The following GOLGA3 variants were observed in gnomAD, a reference collection of about 807,000 sequenced individuals.
The protein encoded by GOLGA3 is golgin subfamily A member 3.
A neutral mutation model predicts 169.4 loss-of-function variants in GOLGA3; 75 were observed. The ratio of observed to expected loss-of-function variants is 0.44; its 90% CI spans 0.37 to 0.54. GOLGA3 has a LOEUF of 0.54. GOLGA3 is among the 20% of genes least tolerant of loss of function. The probability of loss-of-function intolerance (pLI) is 0.00; values close to 1 mark genes in which losing one functional copy is unlikely to be tolerated. For synonymous variants in GOLGA3, 824 were observed against 822.4 expected (o/e 1.00, Z -0.03); for missense variants, 1,899 against 1,930.0 (o/e 0.98, Z 0.30).
At chr12:132,801,746 G>A (rs1397403760) in intron 8 of GOLGA3, 21 bp downstream of exon 8, 2 of 1,603,066 alleles carry the variant, frequency 1.2e-6, no homozygotes, top group South Asian at 2.2e-5. Context: ...ACCTGCCCTG[G>A]AAGGTAGATG....
intron 22 of GOLGA3, 179 bp from the exon 23 acceptor site, chr12:132,774,499 G>A: frequency 1.6e-6 from 1 of 642,008 alleles, no homozygotes; most frequent in Non-Finnish European, 2.7e-6. Flanking sequence ...AGAATAGCTG[G>A]CTGAGGAAAC....
chr12:132,782,188 G>A (rs1246244409), intron 17 of GOLGA3, 108 bp downstream of exon 17: 4 of 1,031,312 alleles, frequency 3.9e-6, no homozygotes, highest in Non-Finnish European at 6.1e-6. Context: ...CAGGCCGGGT[G>A]GGCTAGGAGT....
intron 7 of GOLGA3, among the ~76,000 whole-genome samples, chr12:132,802,985 G>A (rs1042369574): frequency 1.3e-5 from 2 of 152,174 alleles, no homozygotes; most frequent in Non-Finnish European, 2.9e-5. Flanking sequence ...AACCTGGGAG[G>A]CAGAGGTTGC....
chr12:132,802,156 G>A (rs1380713129), intron 7 of GOLGA3, among the ~76,000 whole-genome samples, 187 bp from the exon 8 acceptor site: 3 of 152,266 alleles, frequency 2.0e-5, no homozygotes, highest in Non-Finnish European at 2.9e-5. Context: ...GAGAGATGCC[G>A]CTCCTGGCAG....
At chr12:132,788,921 A>AGACACAGG (rs1555254351) in intron 13 of GOLGA3, 106 bp downstream of exon 13, 22 of 220,330 alleles carry the variant, frequency 1.0e-4, no homozygotes, top group South Asian at 1.5e-4. Flanking sequence ...ACCCAGACAG[A>AGACACAGG]CCCCGCCCCA....
intron 22 of GOLGA3, chr12:132,774,549 A>G (rs2045110975): frequency 3.4e-6 from 2 of 587,334 alleles, no homozygotes; most frequent in Middle Eastern, 4.5e-4. Context: ...CAAAGCAGAG[A>G]CAACCTAAGT....
chr12:132,799,092 G>A (rs955021788), intron 8 of GOLGA3, among the ~76,000 whole-genome samples: 2 of 152,214 alleles, frequency 1.3e-5, no homozygotes, highest in South Asian at 2.1e-4. Context: ...TGCCCGCATC[G>A]CCTCTAGCTC....
Position 132,813,298 on chromosome 12 carries a change from G to A in GOLGA3, c.519+9C>T, listed in dbSNP as rs1949806019. The A allele has an allele frequency of 6.4e-7, 1 of 1,569,822 alleles. No individual in the cohort carries two copies. The highest frequency in any genetic ancestry group is 8.8e-7 in the Non-Finnish European group (1 of 1,140,270). The stretch of plus-strand genomic sequence containing the variant: ...TTTCCATGAGCTTGTTCGGGAGAGG[G>A]AGACTCACCCTCTCCTGCTGGCGCT... On this transcript the variant is annotated intron_variant, in intron 4 of 23. Coordinates refer to ENST00000450791, the MANE Select transcript of GOLGA3 (RefSeq NM_001389683.1).
At chr12:132,781,263 T>TC (rs2045591310) in intron 17 of GOLGA3, among the ~76,000 whole-genome samples, 2 of 151,324 alleles carry the variant, frequency 1.3e-5, no homozygotes, top group Non-Finnish European at 2.9e-5. Context: ...AGACCCTGTC[T>TC]CAAAAAAAAA....
In GOLGA3 at chr12:132,789,007, T is replaced by C; in HGVS notation, c.2811+20A>G. ...GGCCGAATCCTCCCCATCAAATGAG[T>C]CAACCCGACACGGACAGACCTGCAA... On this transcript the variant is annotated intron_variant, in intron 13 of 23. Transcript: ENST00000450791. 1 of 1,386,244 alleles carries C rather than the reference T, an allele frequency of 7.2e-7. No homozygotes were observed. Among genetic ancestry groups the C allele is most frequent in the East Asian group, 2.8e-5 (1 of 35,156 alleles). 85.9% of individuals were successfully genotyped at this position (1,386,244 alleles called of 1,614,324 possible).
intron 11 of GOLGA3, among the ~76,000 whole-genome samples, chr12:132,794,060 C>T (rs368135811): frequency 2.6e-5 from 4 of 152,298 alleles, no homozygotes; most frequent in South Asian, 2.1e-4. Flanking sequence ...TTGTTCCACA[C>T]GCATCATTCA....
intron 5 of GOLGA3, 79 bp from the exon 6 acceptor site, chr12:132,807,367 ACAC>A: frequency 1.4e-6 from 1 of 729,248 alleles, no homozygotes; most frequent in Non-Finnish European, 2.2e-6. Context: ...TCCAAATTCC[ACAC>A]ACCCCTGCTG....
chr12:132,806,775 A>C (rs1008571267), intron 6 of GOLGA3, among the ~76,000 whole-genome samples: 3 of 152,250 alleles, frequency 2.0e-5, no homozygotes, highest in Non-Finnish European at 2.9e-5. Flanking sequence ...TGTTTCTGGC[A>C]CATGCTAACC....
chr12:132,779,531 G>A (rs1209909609), intron 18 of GOLGA3, among the ~76,000 whole-genome samples: 1 of 152,238 alleles, frequency 6.6e-6, no homozygotes, highest in Non-Finnish European at 1.5e-5. Flanking sequence ...AGGAACGAAA[G>A]CAGCTTCACT....
chr12:132,804,108 A>G lies in GOLGA3; in HGVS notation c.1597+608T>C, dbSNP rs1949264036. ...AAGCCCGCCGCGGCTTCCGCAATCC[A>G]CTGCCCTACTTGTACTCTCTGGGCG... On this transcript the variant is annotated intron_variant, in intron 7 of 23. Transcript: ENST00000450791. This position sits in a 1 kb window ranked among gnomAD's most constrained non-coding sequence, Gnocchi z 4.1. Among the ~76,000 whole-genome samples, 1 of 151,978 alleles carries G rather than the reference A, an allele frequency of 6.6e-6. No homozygotes were observed. The highest frequency in any genetic ancestry group is 6.6e-5 in the Admixed American group (1 of 15,242).
intron 1 of GOLGA3, among the ~76,000 whole-genome samples, chr12:132,826,705 A>G (rs1336399954): frequency 6.6e-6 from 1 of 152,124 alleles, no homozygotes; most frequent in Non-Finnish European, 1.5e-5. Flanking sequence ...GTTTGGTGAC[A>G]GTGATACTTC....
At position 132,772,229 on chromosome 12, in the gene GOLGA3, C is replaced by G. The variant is rs1451817645; in HGVS notation, c.*876G>C. On this transcript the variant is annotated 3_prime_UTR_variant, in exon 24 of 24. Transcript: ENST00000450791. ...TAATAAGTAGGTTCTTCTTCAATAA[C>G]ATGAGCATATGCTTCTTAAAGACTG... The G allele has an allele frequency of 1.3e-5, 2 of 152,200 alleles. No homozygotes were observed. Among genetic ancestry groups the G allele is most frequent in the African/African-American group, 4.8e-5 (2 of 41,444 alleles). 9.4% of individuals were successfully genotyped at this position (152,200 alleles called of 1,614,324 possible).
Position 132,796,163 on chromosome 12 carries a change from G to A in GOLGA3, c.2158C>T (p.Leu720=), listed in dbSNP as rs746540941. 2 of 1,607,152 alleles carry A rather than the reference G, an allele frequency of 1.2e-6. No homozygotes were observed. The highest frequency in any genetic ancestry group is 2.2e-5 in the South Asian group (2 of 91,034). ...AAGGTGAGCTGTTTCATCAGGTCCA[G>A]GTGCTCCTGCTGCAAAGCCTCAAGC... ...QQLEALQQEH[L]DLMKQLTLTQ... Residue 720 remains leucine (L), a synonymous_variant, in exon 11 of 24, where the codon CTG becomes TTG. Coordinates refer to ENST00000450791, the MANE Select transcript of GOLGA3 (RefSeq NM_001389683.1).
intron 21 of GOLGA3, 80 bp from the exon 22 acceptor site, chr12:132,775,385 G>A (rs1036166962): frequency 1.6e-6 from 2 of 1,282,146 alleles, no homozygotes; most frequent in Non-Finnish European, 1.1e-6. Flanking sequence ...ATTTTCATAG[G>A]TTAAGCACAC....
Sources: gnomAD v4.1 joint callset for allele counts (sites outside exome capture counted in the v4.1 genomes callset) on GRCh38, gnomAD v4.1.1 for gene constraint, Gnocchi (gnomAD v3.1) non-coding constraint, MANE v1.5 for transcripts, NCBI Gene and HGNC (gene_info 2026-07-23, HGNC 2026-07-21) for gene names.